ZC3H13: variants seen among roughly 807,000 people sequenced by gnomAD.
The protein encoded by ZC3H13 is zinc finger CCCH-type containing 13.
ZC3H13 carries 64 observed loss-of-function variants against 204.1 expected under a neutral mutation model. The observed-to-expected ratio is 0.31, with a 90% confidence interval of 0.26 to 0.39. The LOEUF is 0.39. Ranked by LOEUF, ZC3H13 falls within the 10% of genes least tolerant of loss-of-function variation. The pLI is 1.00. For synonymous variants in ZC3H13, 667 were observed against 693.7 expected, an observed-to-expected ratio of 0.96 and a Z score of 0.60; for missense variants, 1,833 against 2,082.7, an observed-to-expected ratio of 0.88 and a Z score of 2.33.
chr13:45,993,548 C>A (rs965592128), intron 8 of ZC3H13, among the ~76,000 whole-genome samples: 1 of 152,138 alleles, frequency 6.6e-6, no homozygotes, highest in Non-Finnish European at 1.5e-5. Context: ...GCAGGCAGAG[C>A]CAGATGTGGG....
At chr13:46,044,440 T>A (rs1174247350) in intron 3 of ZC3H13, among the ~76,000 whole-genome samples, 1 of 152,088 alleles carries the variant, frequency 6.6e-6, no homozygotes, top group Non-Finnish European at 1.5e-5. Flanking sequence ...CAAAACGATG[T>A]TCGAAATATG....
At position 46,037,295 on chromosome 13, in the gene ZC3H13, G is replaced by A. The variant is rs1462099039; in HGVS notation, c.339+4869C>T. Among the ~76,000 whole-genome samples the A allele has an allele frequency of 3.9e-5, 6 of 152,280 alleles. No homozygotes were observed. In the South Asian group the frequency reaches 1.0e-3, roughly 26 times the overall value. On this transcript the variant is annotated intron_variant, in intron 4 of 18. Transcript: ENST00000679008. ...ACTGCTCTTGCCCATTTGCTCTGAT[G>A]TAAGACTTAGGTAAGCAATACTCAT... is the stretch of plus-strand genomic sequence containing the variant.
intron 12 of ZC3H13, among the ~76,000 whole-genome samples, chr13:45,973,416 CTT>C (rs1481680280): frequency 6.6e-6 from 1 of 152,134 alleles, no homozygotes; most frequent in Non-Finnish European, 1.5e-5. Context: ...ATTGTCAACT[CTT>C]AGATTGTCTA....
At chr13:46,043,046 C>T (rs900716748) in intron 3 of ZC3H13, among the ~76,000 whole-genome samples, 11 of 151,792 alleles carry the variant, frequency 7.2e-5, no homozygotes, top group Non-Finnish European at 1.6e-4. Flanking sequence ...TTTTCACTAT[C>T]AGTGGGAAAA....
chr13:45,966,941 C>T (rs1952140575), intron 15 of ZC3H13, among the ~76,000 whole-genome samples: 1 of 152,164 alleles, frequency 6.6e-6, no homozygotes, highest in Non-Finnish European at 1.5e-5. Flanking sequence ...GGGTAAAGAA[C>T]AGAAGCATGG....
chr13:46,021,751 T>C (rs1439401268), intron 4 of ZC3H13, among the ~76,000 whole-genome samples: 1 of 151,684 alleles, frequency 6.6e-6, no homozygotes, highest in East Asian at 1.9e-4. Flanking sequence ...AAAACAGAAA[T>C]GGGCCTCTAC....
Position 45,985,322 on chromosome 13 carries a change from C to A in ZC3H13, c.1695G>T (p.Gly565=). 1 of 1,613,674 alleles carries A rather than the reference C, an allele frequency of 6.2e-7. No individual in the cohort carries two copies. The highest frequency in any genetic ancestry group is 8.5e-7 in the Non-Finnish European group (1 of 1,179,734). ...IRNDRMGRSR[G]RVPELPEKGS... ...CCTTTTCAGGTAACTCAGGAACCCTCCCCCTACTTCGGCCCATTCGGTCAT... is the reference window on the plus strand; with the variant it reads ...CCTTTTCAGGTAACTCAGGAACCCTACCCCTACTTCGGCCCATTCGGTCAT... The change falls in exon 10 of 19, where the codon GGG becomes GGT. Residue 565 remains glycine (G), a synonymous_variant. Transcript: ENST00000679008.
At chr13:46,037,530 A>T (rs897210743) in intron 4 of ZC3H13, among the ~76,000 whole-genome samples, 9 of 152,224 alleles carry the variant, frequency 5.9e-5, no homozygotes, top group African/African-American at 2.2e-4. Flanking sequence ...TTTGTGCTCA[A>T]ATTCCATAAA....
At chr13:45,984,898 A>G (rs567996511) in intron 10 of ZC3H13, among the ~76,000 whole-genome samples, 1 of 152,242 alleles carries the variant, frequency 6.6e-6, no homozygotes, top group Non-Finnish European at 1.5e-5. Flanking sequence ...AGAATACACA[A>G]ATCAGTCATT....
At chr13:46,026,937 AAAG>A (rs2042577185) in intron 4 of ZC3H13, among the ~76,000 whole-genome samples, 1 of 152,336 alleles carries the variant, frequency 6.6e-6, no homozygotes, top group South Asian at 2.1e-4. Context: ...TAGAAAGCAC[AAAG>A]AAGGAACTAA....
rs1022511027 is a variant in ZC3H13 at position 46,052,442 on chromosome 13, C to T, written c.-48G>A. On this transcript the variant is annotated 5_prime_UTR_variant, in exon 1 of 19. Coordinates refer to ENST00000679008, the MANE Select transcript of ZC3H13 (RefSeq NM_001330564.2). Reference sequence around the variant, plus strand: ...TCCCTTCGCAAGTGCAGTCCGGAGGCACCACCGCCGCCGCCGCTCCGAGGA... The same window carrying T: ...TCCCTTCGCAAGTGCAGTCCGGAGGTACCACCGCCGCCGCCGCTCCGAGGA... 1.5e-4 allele frequency: 59 copies of T among 397,982 alleles called. No individual in the cohort carries two copies. The highest frequency in any genetic ancestry group is 2.4e-4 in the Non-Finnish European group (54 of 226,028). The allele number at this position is 397,982 out of a possible 1,614,324, so 24.7% of individuals were successfully genotyped here. A position where few individuals can be genotyped will look rare whatever the true frequency, so the allele number is the denominator to read the frequency against.
chr13:45,989,825 G>A (rs1162367844), intron 8 of ZC3H13, among the ~76,000 whole-genome samples: 2 of 152,020 alleles, frequency 1.3e-5, no homozygotes, highest in Non-Finnish European at 2.9e-5. Flanking sequence ...CACTCCTAGA[G>A]TCTATTATAC....
intron 7 of ZC3H13, chr13:46,010,099 A>C (rs1369506615): frequency 7.3e-6 from 2 of 273,310 alleles, no homozygotes; most frequent in African/African-American, 2.2e-5. Context: ...GGAACAGGAA[A>C]TGTATCTTGT....
intron 4 of ZC3H13, among the ~76,000 whole-genome samples, chr13:46,039,252 T>C (rs979011969): frequency 6.6e-6 from 1 of 152,184 alleles, no homozygotes. Context: ...CTAACTTTAT[T>C]TGATGAACAT....
rs1952475927 is a variant in ZC3H13 at position 45,970,299 on chromosome 13, A to C, written c.2572+63T>G. On this transcript the variant is annotated intron_variant, in intron 13 of 18. Transcript: ENST00000679008. Reference sequence around the variant, plus strand: ...ATTCATCAGTTCCTACTAGTATGAAAGGATGGTTTCATGGTTACAAATGAA... The same window carrying C: ...ATTCATCAGTTCCTACTAGTATGAACGGATGGTTTCATGGTTACAAATGAA... 3 of 1,548,264 alleles carry C rather than the reference A, an allele frequency of 1.9e-6. No homozygotes were observed. In the Admixed American group the frequency reaches 5.3e-5, roughly 27 times the overall value.
intron 4 of ZC3H13, among the ~76,000 whole-genome samples, chr13:46,039,029 T>G (rs2043392158): frequency 6.6e-6 from 1 of 152,064 alleles, no homozygotes; most frequent in Non-Finnish European, 1.5e-5. Context: ...CTCAAAAGAA[T>G]ACTAATAAAT....
chr13:45,987,425 A>T (rs1219726625), intron 9 of ZC3H13, among the ~76,000 whole-genome samples: 2 of 152,152 alleles, frequency 1.3e-5, no homozygotes, highest in African/African-American at 4.8e-5. Flanking sequence ...GGTCAACTCT[A>T]GTTGTTAAAT....
chr13:45,959,351 T>G (rs1336929937), intron 18 of ZC3H13, 132 bp downstream of exon 18: 6 of 843,890 alleles, frequency 7.1e-6, no homozygotes, highest in Non-Finnish European at 9.9e-6. Flanking sequence ...CATTCTTCTT[T>G]TTACATGTAT....
rs1951882982 is a variant in ZC3H13 at position 45,963,999 on chromosome 13, T to G, written c.4518A>C (p.Pro1506=). 1 of 1,614,050 alleles carries G rather than the reference T, an allele frequency of 6.2e-7. No individual in the cohort carries two copies. The highest frequency in any genetic ancestry group is 1.3e-5 in the African/African-American group (1 of 74,940). ...GCTCTCGTGGTTCTTTTGGATGCTT[T>G]GGCATAAGACCAGACCAATCCACAT... is the stretch of plus-strand genomic sequence containing the variant. ...VIDVDWSGLM[P]KHPKEPREPG... The change falls in exon 17 of 19, where the codon CCA becomes CCC. Residue 1506 remains proline (P), a synonymous_variant. Transcript: ENST00000679008.
Sources: allele counts gnomAD v4.1 joint callset (sites outside exome capture counted in the v4.1 genomes callset), GRCh38; gene constraint gnomAD v4.1.1; transcripts MANE v1.5; gene names NCBI Gene and HGNC (gene_info 2026-07-23, HGNC 2026-07-21).